RIMS2: variants seen among roughly 807,000 people sequenced by gnomAD.
RIMS2 encodes the protein regulating synaptic membrane exocytosis protein 2.
A neutral mutation model predicts 174.4 loss-of-function variants in RIMS2; 59 were observed. The observed-to-expected ratio is 0.34, with a 90% CI of 0.27 to 0.42. The LOEUF is 0.42. Ranked by LOEUF, RIMS2 falls within the 10% of genes least tolerant of loss-of-function variation. RIMS2 has a pLI of 1.00. For synonymous variants in RIMS2, 606 were observed against 572.5 expected (o/e 1.06, Z -0.84); for missense variants, 1,620 against 1,666.3 (o/e 0.97, Z 0.48).
chr8:103,543,032 A>C (rs1273488239), intron 1 of RIMS2, among the ~76,000 whole-genome samples: 1 of 152,200 alleles, frequency 6.6e-6, no homozygotes, highest in East Asian at 1.9e-4. Context: ...GCAATTAGGC[A>C]AAAGAATGAA....
At chr8:103,997,265 G>A (rs1429048171) in intron 17 of RIMS2, among the ~76,000 whole-genome samples, 1 of 151,738 alleles carries the variant, frequency 6.6e-6, no homozygotes, top group Admixed American at 6.6e-5. Flanking sequence ...AGTTGAGGAA[G>A]GGAATAATAA....
At position 104,181,742 on chromosome 8, in the gene RIMS2, T is replaced by C. The variant is rs939882178; in HGVS notation, c.3335-63174T>C. Among the ~76,000 whole-genome samples, 16 of 151,876 alleles carry C rather than the reference T, an allele frequency of 1.1e-4. 1 individual carries two copies. Among genetic ancestry groups the C allele is most frequent in the African/African-American group, 3.6e-4 (15 of 41,534 alleles). On this transcript the variant is annotated intron_variant, in intron 19 of 23. Coordinates refer to ENST00000504942, the Ensembl canonical transcript of RIMS2. ...GGCACATTTTACTAAATTTACCAAATTAAAATTGAAAAAATTTGATTTTTA... is the reference window on the plus strand; with the variant it reads ...GGCACATTTTACTAAATTTACCAAACTAAAATTGAAAAAATTTGATTTTTA...
chr8:103,834,332 C>CTTTTTTTTTTTTTTTT (rs397892077), intron 3 of RIMS2, among the ~76,000 whole-genome samples: 1 of 119,288 alleles, frequency 8.4e-6, no homozygotes, highest in Non-Finnish European at 1.7e-5. Context: ...TTTTCTTTTT[C>CTTTTTTTTTTTTTTTT]TTTTTTTTTT....
At chr8:103,934,404 G>A (rs2080746792) in intron 12 of RIMS2, among the ~76,000 whole-genome samples, 1 of 151,956 alleles carries the variant, frequency 6.6e-6, no homozygotes, top group African/African-American at 2.4e-5. Flanking sequence ...TGATTCTAAA[G>A]GCTTTATTTA....
intron 1 of RIMS2, among the ~76,000 whole-genome samples, chr8:103,524,744 C>G (rs959623597): frequency 1.3e-5 from 2 of 151,916 alleles, no homozygotes; most frequent in Non-Finnish European, 2.9e-5. Flanking sequence ...TCAGAGGATG[C>G]TGGAGCCTGC....
chr8:103,908,250 C>T (rs932987658), intron 4 of RIMS2, among the ~76,000 whole-genome samples: 8 of 152,006 alleles, frequency 5.3e-5, no homozygotes, highest in Admixed American at 2.0e-4. Flanking sequence ...ACCATGTTGG[C>T]CAGGATGATC....
chr8:103,770,530 C>T lies in RIMS2; in HGVS notation c.698+3993C>T, dbSNP rs572246533. 3.3e-5 allele frequency among the ~76,000 whole-genome samples: 5 copies of T among 152,166 alleles called. No individual in the cohort carries two copies. The South Asian group carries it at 1.0e-3, about 32-fold the overall frequency. ...GCTGGAGGTTGCAGTGAGCCAAGAT[C>T]GTGCCATTGCATTCCAGCCTGGGCA... On this transcript the variant is annotated intron_variant, in intron 3 of 23. Transcript: ENST00000504942.
chr8:103,593,208 G>A (rs1201015286), intron 1 of RIMS2, among the ~76,000 whole-genome samples: 3 of 151,390 alleles, frequency 2.0e-5, no homozygotes, highest in Non-Finnish European at 4.4e-5. Context: ...AGTATCTGAA[G>A]TTTTGAAGAC....
chr8:103,607,747 C>A (rs1222429022), intron 1 of RIMS2, among the ~76,000 whole-genome samples: 3 of 136,490 alleles, frequency 2.2e-5, no homozygotes, highest in Non-Finnish European at 4.7e-5. Context: ...TCATTTCATT[C>A]ATTTCATCTT....
chr8:103,582,617 T>C (rs938433675), intron 1 of RIMS2, among the ~76,000 whole-genome samples: 1 of 152,162 alleles, frequency 6.6e-6, no homozygotes, highest in Non-Finnish European at 1.5e-5. Context: ...TAAGAAACCT[T>C]GGACCTTAAA....
At chr8:104,051,799 T>A (rs547993584) in intron 19 of RIMS2, among the ~76,000 whole-genome samples, 1 of 152,136 alleles carries the variant, frequency 6.6e-6, no homozygotes, top group East Asian at 1.9e-4. Context: ...TAAGTAAAAT[T>A]GAGAAAAAAA....
intron 1 of RIMS2, among the ~76,000 whole-genome samples, chr8:103,654,720 A>G (rs2096502347): frequency 6.6e-6 from 1 of 151,888 alleles, no homozygotes; most frequent in Non-Finnish European, 1.5e-5. Context: ...TTTCTTTCTC[A>G]ATATGAATAC....
At chr8:103,751,976 T>C (rs2097899182) in intron 2 of RIMS2, among the ~76,000 whole-genome samples, 1 of 152,244 alleles carries the variant, frequency 6.6e-6, no homozygotes, top group Non-Finnish European at 1.5e-5. Flanking sequence ...TTGTCAATTT[T>C]GGCTTTTGTT....
At chr8:104,239,231 A>G (rs764862600) in intron 19 of RIMS2, among the ~76,000 whole-genome samples, 5 of 152,150 alleles carry the variant, frequency 3.3e-5, no homozygotes, top group Non-Finnish European at 7.4e-5. Context: ...TCCAGATATT[A>G]TTAGGGGAAA....
intron 1 of RIMS2, among the ~76,000 whole-genome samples, chr8:103,555,599 G>T (rs540743161): frequency 1.3e-5 from 2 of 152,200 alleles, no homozygotes; most frequent in South Asian, 4.1e-4. Flanking sequence ...CAATTCCCGA[G>T]ATATGGAATC....
chr8:103,873,458 A>G (rs1288204706), intron 3 of RIMS2, among the ~76,000 whole-genome samples: 1 of 152,232 alleles, frequency 6.6e-6, no homozygotes, highest in South Asian at 2.1e-4. Context: ...TCAGTAATAG[A>G]AGTAATATTT....
intron 17 of RIMS2, among the ~76,000 whole-genome samples, chr8:104,012,378 G>A (rs1350916516): frequency 1.4e-5 from 2 of 143,396 alleles, no homozygotes; most frequent in East Asian, 4.0e-4. Context: ...TAAATTACTT[G>A]CACTTTTCAT....
chr8:103,811,652 G>C (rs1162564191), intron 3 of RIMS2, among the ~76,000 whole-genome samples: 11 of 152,186 alleles, frequency 7.2e-5, no homozygotes, highest in African/African-American at 2.6e-4. Context: ...CACCATGTTG[G>C]CCAGGCTGGT....
chr8:103,622,235 T>A (rs1011746864), intron 1 of RIMS2, among the ~76,000 whole-genome samples: 27 of 152,178 alleles, frequency 1.8e-4, no homozygotes, highest in African/African-American at 6.5e-4. Flanking sequence ...GAAGGGTATC[T>A]ATGTCTGATT....
Sources: gnomAD v4.1 joint callset for allele counts (sites outside exome capture counted in the v4.1 genomes callset) on GRCh38, gnomAD v4.1.1 for gene constraint, MANE v1.5 for transcripts, NCBI Gene and HGNC (gene_info 2026-07-23, HGNC 2026-07-21) for gene names.